CCND3: variants seen among roughly 807,000 people sequenced by gnomAD.
CCND3 encodes the protein cyclin D3, also known as G1/S-specific cyclin-D3.
In CCND3, 9 loss-of-function variants were observed where a neutral mutation model predicts 28.7. That is an observed-to-expected ratio of 0.31 (90% CI 0.19 to 0.55). CCND3 has a LOEUF of 0.55. CCND3 is among the 20% of genes least tolerant of loss of function. CCND3 has a pLI of 0.93. For synonymous variants in CCND3, 164 were observed against 163.9 expected, an observed-to-expected ratio of 1.00 and a Z score of 0.00; for missense variants, 315 against 385.8, an observed-to-expected ratio of 0.82 and a Z score of 1.54.
chr6:41,959,782 C>G (rs897839125), intron 1 of CCND3, among the ~76,000 whole-genome samples: 1 of 151,732 alleles, frequency 6.6e-6, no homozygotes, highest in Non-Finnish European at 1.5e-5. Context: ...ATGGTGAAAT[C>G]CTATCTCTAC....
rs200546366 is a variant in CCND3, at chr6:42,044,658, G to T, written c.-46+3843C>A. 3.9e-5 allele frequency among the ~76,000 whole-genome samples: 6 copies of T among 152,162 alleles called. No homozygotes were observed. In the East Asian group the frequency reaches 1.2e-3, roughly 29 times the overall value. On this transcript the variant is annotated intron_variant, in intron 1 of 4. Transcript: ENST00000372988. ...TGCCAGGGCAAACTTTTAAATATTT[G>T]CATACAGCTATAGTATTCCTCCTAA...
At chr6:41,940,340 T>G in intron 2 of CCND3, 30 bp downstream of exon 2, 1 of 1,540,790 alleles carries the variant, frequency 6.5e-7, no homozygotes, top group East Asian at 2.2e-5. Flanking sequence ...AGACAATACG[T>G]GTCGGGGGTG....
chr6:42,025,938 G>A (rs1213743917), intron 1 of CCND3, among the ~76,000 whole-genome samples: 1 of 152,164 alleles, frequency 6.6e-6, no homozygotes. Flanking sequence ...ATTAATGAGT[G>A]AGTGAATGAA....
chr6:42,036,640 G>A (rs1266790657), intron 1 of CCND3, among the ~76,000 whole-genome samples: 1 of 151,258 alleles, frequency 6.6e-6, no homozygotes, highest in African/African-American at 2.4e-5. Context: ...CTGGGCTCAA[G>A]TTATCTGCCC....
chr6:41,952,834 C>T (rs145464076), intron 1 of CCND3, among the ~76,000 whole-genome samples: 42 of 126,134 alleles, frequency 3.3e-4, no homozygotes, highest in Admixed American at 4.2e-4. Context: ...GTGTGTGTGA[C>T]ATGAAACGTG....
chr6:42,035,035 C>G (rs1477594292), intron 1 of CCND3, among the ~76,000 whole-genome samples: 1 of 152,218 alleles, frequency 6.6e-6, no homozygotes, highest in Non-Finnish European at 1.5e-5. Context: ...TAATGGCCAT[C>G]TTTTCCTCCT....
At chr6:41,992,463 G>GT (rs373285628) in intron 1 of CCND3, among the ~76,000 whole-genome samples, 11,978 of 120,426 alleles carry the variant, frequency 0.099, 926 homozygotes, top group East Asian at 0.29. Context: ...CACCCAGCCG[G>GT]TTTTTTTTTT....
At chr6:42,002,792 T>C (rs1367971890) in intron 1 of CCND3, among the ~76,000 whole-genome samples, 1 of 151,808 alleles carries the variant, frequency 6.6e-6, no homozygotes, top group Non-Finnish European at 1.5e-5. Context: ...AGGCAGAGCT[T>C]GCAGTGAGCC....
intron 1 of CCND3, among the ~76,000 whole-genome samples, chr6:42,020,860 TC>T (rs1202365809): frequency 1.3e-5 from 2 of 152,218 alleles, no homozygotes; most frequent in African/African-American, 4.8e-5. Context: ...CAAGTAATTC[TC>T]CCGACTCAGC....
At chr6:42,046,796 G>A (rs554547350) in intron 1 of CCND3, among the ~76,000 whole-genome samples, 1 of 152,162 alleles carries the variant, frequency 6.6e-6, no homozygotes, top group South Asian at 2.1e-4. Flanking sequence ...CAAGATACAG[G>A]ACCACAGACT....
rs58797317 is a variant in CCND3 at position 41,979,171 on chromosome 6, C to CAAAAA, written c.-45-38591_-45-38587dup. ...GGGCAGTAAGAGCAAAACTCTGTCT[C>CAAAAA]AAAAAAAAAAAAAAAAAAAAATCCT... On this transcript the variant is annotated intron_variant, in intron 1 of 4. Coordinates refer to the CCND3 transcript ENST00000372988. 1.4e-3 allele frequency among the ~76,000 whole-genome samples: 121 copies of CAAAAA among 87,284 alleles called. 1 individual carries two copies. The highest frequency in any genetic ancestry group is 0.011 in the East Asian group (30 of 2,696). The allele number at this position is 87,284 out of a possible 152,430, so 57.3% of individuals were successfully genotyped here. A position where few individuals can be genotyped will look rare whatever the true frequency, so the allele number is the denominator to read the frequency against.
intron 1 of CCND3, among the ~76,000 whole-genome samples, chr6:42,022,611 C>G (rs942461513): frequency 3.9e-5 from 6 of 152,194 alleles, no homozygotes; most frequent in East Asian, 1.9e-4. Context: ...CAGGCTCCCC[C>G]CAACCGCCAG....
intron 1 of CCND3, among the ~76,000 whole-genome samples, chr6:42,006,945 A>G (rs1763194727): frequency 6.6e-6 from 1 of 152,148 alleles, no homozygotes; most frequent in Non-Finnish European, 1.5e-5. Flanking sequence ...GCGAATGATA[A>G]AATGAACACA....
At chr6:41,954,125 C>T (rs1776379608) in intron 1 of CCND3, among the ~76,000 whole-genome samples, 1 of 150,310 alleles carries the variant, frequency 6.7e-6, no homozygotes, top group Non-Finnish European at 1.5e-5. Flanking sequence ...GTGGTGTGCA[C>T]CTATAGTCCC....
At chr6:41,940,347 G>C (rs778759399) in intron 2 of CCND3, 23 bp downstream of exon 2, 9 of 1,579,032 alleles carry the variant, frequency 5.7e-6, no homozygotes, top group Admixed American at 1.7e-5. Flanking sequence ...ACGTGTCGGG[G>C]GTGGGGGGAG....
chr6:41,946,524 C>T (rs754017744), upstream of CCND3, among the ~76,000 whole-genome samples: 20 of 127,322 alleles, frequency 1.6e-4, no homozygotes, highest in Admixed American at 5.2e-4. Flanking sequence ...TTGTTTGAGC[C>T]TGGGAGATGG....
chr6:41,949,431 G>A (rs1385983875), intron 1 of CCND3, among the ~76,000 whole-genome samples: 1 of 152,126 alleles, frequency 6.6e-6, no homozygotes, highest in Non-Finnish European at 1.5e-5. Context: ...CTTTAACCCA[G>A]GAGGCAGAGG....
intron 1 of CCND3, among the ~76,000 whole-genome samples, chr6:42,006,632 G>C (rs897836497): frequency 6.6e-6 from 1 of 152,218 alleles, no homozygotes; most frequent in South Asian, 2.1e-4. Flanking sequence ...TAGGCAGCCA[G>C]GCGCGGTGGC....
At chr6:41,986,712 CAG>C (rs1445386881) in intron 1 of CCND3, among the ~76,000 whole-genome samples, 1 of 151,964 alleles carries the variant, frequency 6.6e-6, no homozygotes, top group Non-Finnish European at 1.5e-5. Context: ...ATGTCATCTG[CAG>C]AGACAATGTT....
Sources: allele counts gnomAD v4.1 joint callset (sites outside exome capture counted in the v4.1 genomes callset), GRCh38; gene constraint gnomAD v4.1.1; transcripts MANE v1.5; gene names NCBI Gene and HGNC (gene_info 2026-07-23, HGNC 2026-07-21).